The following PPAT variants were observed in gnomAD, a reference collection of about 807,000 sequenced individuals.
PPAT encodes the protein amidophosphoribosyltransferase.
A neutral mutation model predicts 60.2 loss-of-function variants in PPAT; 20 were observed. That is an observed-to-expected ratio of 0.33 (90% CI 0.23 to 0.48). The LOEUF (loss-of-function observed/expected upper bound fraction) is 0.48, where lower values mean the gene tolerates loss of function less well. PPAT is among the 20% of genes least tolerant of loss of function. The pLI is 0.99. For missense variants in PPAT, 349 were observed against 629.6 expected (o/e 0.55, Z 4.77); for synonymous variants, 194 against 215.1 (o/e 0.90, Z 0.86).
intron 5 of PPAT, among the ~76,000 whole-genome samples, 193 bp from the exon 6 acceptor site, chr4:56,402,374 CATT>C (rs754777769): frequency 2.9e-4 from 44 of 152,230 alleles, no homozygotes; most frequent in Non-Finnish European, 5.1e-4. Flanking sequence ...TTCCTTCTAA[CATT>C]ATGATTTCAT....
In PPAT at chr4:56,403,422, G is replaced by C. The variant is rs1208396785; in HGVS notation, c.403-21C>G. Reference sequence around the variant, plus strand: ...AGAAGCTATATAGAAAAAAAGAGAAGTTTAATCATCAGAGGGGAAGCTCCA... The same window carrying C: ...AGAAGCTATATAGAAAAAAAGAGAACTTTAATCATCAGAGGGGAAGCTCCA... On this transcript the variant is annotated intron_variant, in intron 3 of 10. Coordinates refer to ENST00000264220, the MANE Select transcript of PPAT (RefSeq NM_002703.5). 6 of 1,563,550 alleles carry C rather than the reference G, an allele frequency of 3.8e-6. No homozygotes were observed. The Admixed American group carries it at 8.7e-5, about 23-fold the overall frequency.
intron 8 of PPAT, chr4:56,399,694 A>G (rs1716066451): frequency 4.5e-6 from 1 of 222,494 alleles, no homozygotes; most frequent in Non-Finnish European, 8.7e-6. Flanking sequence ...AGAAAAATTC[A>G]TTATCAAAAT....
At position 56,396,879 on chromosome 4, in the gene PPAT, C is replaced by T; in HGVS notation, c.1237-140G>A. 1.2e-6 allele frequency: 1 copy of T among 822,142 alleles called. No individual in the cohort carries two copies. The highest frequency in any genetic ancestry group is 1.7e-6 in the Non-Finnish European group (1 of 581,052). 50.9% of individuals were successfully genotyped at this position (822,142 alleles called of 1,614,324 possible). On this transcript the variant is annotated intron_variant, in intron 9 of 10. Transcript: ENST00000264220. The surrounding 1 kb of genome is among the most constrained non-coding windows in gnomAD (Gnocchi z 4.6). ...AATTATTCTTTCTACAAAGCTGCTT[C>T]TTGGTTTTTTTTTTCTTTCACCTAA...
chr4:56,407,628 A>G (rs769596087), intron 2 of PPAT, 22 bp downstream of exon 2: 14 of 1,575,538 alleles, frequency 8.9e-6, no homozygotes, highest in Middle Eastern at 1.7e-4. Flanking sequence ...TGTCATCAAC[A>G]TTTCTTAAAG....
chr4:56,407,608 G>GC, intron 2 of PPAT, 42 bp downstream of exon 2: 2 of 1,492,796 alleles, frequency 1.3e-6, no homozygotes, highest in Admixed American at 3.3e-5. Context: ...ATGAACCACC[G>GC]CACTTGGTCT....
chr4:56,422,446 A>G (rs1244751009), intron 1 of PPAT: 3 of 147,238 alleles, frequency 2.0e-5, no homozygotes, highest in Non-Finnish European at 4.5e-5. Context: ...AGGTCTTGAC[A>G]CACATAAAAT....
chr4:56,422,677 G>C (rs1717102032), intron 1 of PPAT: 1 of 152,000 alleles, frequency 6.6e-6, no homozygotes, highest in South Asian at 2.1e-4. Context: ...CATGAGAGTG[G>C]TGCCCTCATA....
intron 1 of PPAT, among the ~76,000 whole-genome samples, chr4:56,409,626 T>C (rs561223164): frequency 6.6e-6 from 1 of 152,354 alleles, no homozygotes; most frequent in Non-Finnish European, 1.5e-5. Context: ...AGAGCATCCA[T>C]ACCACTGTGC....
At chr4:56,417,784 A>G (rs1716834184) in intron 1 of PPAT, among the ~76,000 whole-genome samples, 1 of 152,092 alleles carries the variant, frequency 6.6e-6, no homozygotes, top group Admixed American at 6.5e-5. Flanking sequence ...TACGAAAAGA[A>G]AAAGAAACAA....
At chr4:56,427,465 A>G (rs1384993853) in intron 1 of PPAT, among the ~76,000 whole-genome samples, 2 of 152,130 alleles carry the variant, frequency 1.3e-5, no homozygotes, top group Non-Finnish European at 2.9e-5. Flanking sequence ...TTCTATCACC[A>G]TCTTTTAAAA....
chr4:56,399,327 C>A lies in PPAT; in HGVS notation c.1088G>T (p.Arg363Met), dbSNP rs775307283. ...TTTTGCAACACCAAGTTGTCTTAACCTCATGTTTGGCTGAATGAAGGTTCT... is the reference window on the plus strand; with the variant it reads ...TTTTGCAACACCAAGTTGTCTTAACATCATGTTTGGCTGAATGAAGGTTCT... The part of the protein sequence containing the change: ...VGRTFIQPNM[R>M]LRQLGVAKKF... Residue 363 changes from arginine (R) to methionine (M), a missense_variant, in exon 9 of 11, where the codon AGG becomes ATG. Around this residue, in one of 5 missense-constraint regions of PPAT, gnomAD observed 167 missense variants for 328.6 expected, o/e 0.51. Coordinates refer to ENST00000264220, the MANE Select transcript of PPAT (RefSeq NM_002703.5). 1 of 1,613,896 alleles carries A rather than the reference C, an allele frequency of 6.2e-7. No homozygotes were observed. Among genetic ancestry groups the A allele is most frequent in the Non-Finnish European group, 8.5e-7 (1 of 1,179,924 alleles).
rs545090801 is a variant in PPAT, at chr4:56,425,146, C to A, written c.128+10204G>T. 4.6e-5 allele frequency among the ~76,000 whole-genome samples: 7 copies of A among 152,264 alleles called. No homozygotes were observed. In the East Asian group the frequency reaches 1.4e-3, roughly 29 times the overall value. On this transcript the variant is annotated intron_variant, in intron 1 of 10. Coordinates refer to ENST00000264220, the MANE Select transcript of PPAT (RefSeq NM_002703.5). ...GGGGGCATTAAGGAATCTACTGTTA[C>A]CATCTCAAAGGGTACGCTAAGAATT...
chr4:56,426,271 G>A (rs1008447952), intron 1 of PPAT, among the ~76,000 whole-genome samples: 9 of 151,956 alleles, frequency 5.9e-5, no homozygotes, highest in Admixed American at 2.6e-4. Flanking sequence ...CGTGGTGGCC[G>A]CGCACCTGTG....
intron 1 of PPAT, chr4:56,420,017 T>C: frequency 1.0e-6 from 1 of 985,028 alleles, no homozygotes; most frequent in Non-Finnish European, 1.2e-6. Context: ...TCACAGAATG[T>C]GCCAACGTAA....
rs763444167 is a variant in PPAT at position 56,435,322 on chromosome 4, C to G, written c.128+28G>C. On this transcript the variant is annotated intron_variant, in intron 1 of 10. Coordinates refer to ENST00000264220, the MANE Select transcript of PPAT (RefSeq NM_002703.5). ...CGGCTCCGAGAGATGGAGACGCACGCCCCCGCCACCCCCACCCTGTTGCTC... is the reference window on the plus strand; with the variant it reads ...CGGCTCCGAGAGATGGAGACGCACGGCCCCGCCACCCCCACCCTGTTGCTC... 3.1e-6 allele frequency: 5 copies of G among 1,612,134 alleles called. No homozygotes were observed. In the South Asian group the frequency reaches 4.4e-5, roughly 14 times the overall value.
At chr4:56,405,021 A>C (rs1202188097) in intron 3 of PPAT, among the ~76,000 whole-genome samples, 1 of 152,170 alleles carries the variant, frequency 6.6e-6, no homozygotes, top group Non-Finnish European at 1.5e-5. Context: ...AAACTGAAGA[A>C]ACTCAACATT....
At chr4:56,403,616 G>C (rs980932578) in intron 3 of PPAT, among the ~76,000 whole-genome samples, 12 of 152,164 alleles carry the variant, frequency 7.9e-5, no homozygotes, top group Non-Finnish European at 1.3e-4. Flanking sequence ...GGGATGATTT[G>C]GGGATGATTC....
chr4:56,411,683 C>T (rs992242460), intron 1 of PPAT, among the ~76,000 whole-genome samples: 1 of 152,166 alleles, frequency 6.6e-6, no homozygotes, highest in African/African-American at 2.4e-5. Context: ...GTAATACCCA[C>T]TATCTGTGTG....
In PPAT at chr4:56,435,599, G is replaced by C; in HGVS notation, c.-122C>G. ...CTCGCGACAGGCTCTTCCTTCCCGA[G>C]GGTGGCCCCAGCTACTGCGGCGGCG... On this transcript the variant is annotated 5_prime_UTR_variant, in exon 1 of 11. Transcript: ENST00000264220. 1.3e-6 allele frequency: 2 copies of C among 1,543,874 alleles called. No individual in the cohort carries two copies. The highest frequency in any genetic ancestry group is 1.8e-6 in the Non-Finnish European group (2 of 1,139,376).
Sources: gnomAD v4.1 joint callset for allele counts (sites outside exome capture counted in the v4.1 genomes callset) on GRCh38, gnomAD v4.1.1 for gene constraint, gnomAD v4.1.1 regional missense constraint, Gnocchi (gnomAD v3.1) non-coding constraint, MANE v1.5 for transcripts, NCBI Gene and HGNC (gene_info 2026-07-23, HGNC 2026-07-21) for gene names.